PKD1L1: variants seen among roughly 807,000 people sequenced by gnomAD.
PKD1L1 encodes polycystin-1-like protein 1.
PKD1L1 carries 236 observed loss-of-function variants against 323.4 expected under a neutral mutation model. That is an observed-to-expected ratio of 0.73 (90% confidence interval 0.66 to 0.81). The LOEUF (loss-of-function observed/expected upper bound fraction) is 0.81. Among genes scored for constraint, PKD1L1 ranks in the 40% least tolerant of loss-of-function variants. PKD1L1 has a pLI of 0.00. For missense variants in PKD1L1, 3,320 were observed against 3,508.0 expected, an observed-to-expected ratio of 0.95 and a Z score of 1.35; for synonymous variants, 1,344 against 1,335.0, an observed-to-expected ratio of 1.01 and a Z score of -0.15.
intron 21 of PKD1L1, among the ~76,000 whole-genome samples, chr7:47,880,265 C>CATATAT (rs1223516389): frequency 7.7e-4 from 58 of 75,578 alleles, no homozygotes; most frequent in East Asian, 1.7e-3. Context: ...TATATATATA[C>CATATAT]ATATATATAT....
intron 3 of PKD1L1, 95 bp from the exon 4 acceptor site, chr7:47,937,053 T>G: frequency 2.4e-5 from 23 of 945,266 alleles, no homozygotes; most frequent in Non-Finnish European, 3.3e-5. Flanking sequence ...AAAATAGCAG[T>G]GGACCCCTGC....
At chr7:47,819,956 A>G (rs983556991) in intron 46 of PKD1L1, 1 of 219,058 alleles carries the variant, frequency 4.6e-6, no homozygotes, top group African/African-American at 2.4e-5. Flanking sequence ...GTTGCTGCAT[A>G]AATGTGTCTT....
intron 56 of PKD1L1, among the ~76,000 whole-genome samples, chr7:47,778,450 C>T (rs143648066): frequency 3.9e-5 from 6 of 152,272 alleles, no homozygotes; most frequent in East Asian, 1.9e-4. Flanking sequence ...AATAAAGAAA[C>T]GCCAGTGAGT....
intron 36 of PKD1L1, among the ~76,000 whole-genome samples, chr7:47,837,404 A>T (rs764959943): frequency 6.6e-6 from 1 of 152,146 alleles, no homozygotes; most frequent in Non-Finnish European, 1.5e-5. Flanking sequence ...CCCTTGCTAC[A>T]GCCACACTGC....
chr7:47,913,850 T>C (rs574579830), intron 8 of PKD1L1, among the ~76,000 whole-genome samples: 2 of 152,214 alleles, frequency 1.3e-5, no homozygotes, highest in Non-Finnish European at 2.9e-5. Flanking sequence ...AAACATTTCA[T>C]GTTCTGACAA....
chr7:47,898,532 T>C (rs888087484), intron 13 of PKD1L1, among the ~76,000 whole-genome samples: 3 of 152,106 alleles, frequency 2.0e-5, no homozygotes, highest in Non-Finnish European at 4.4e-5. Context: ...ACGTCAAAAA[T>C]ATAAATGTTA....
At chr7:47,937,832 G>A (rs1787901177) in intron 3 of PKD1L1, among the ~76,000 whole-genome samples, 1 of 152,126 alleles carries the variant, frequency 6.6e-6, no homozygotes, top group Non-Finnish European at 1.5e-5. Flanking sequence ...GGCAGGTGAG[G>A]GGTGCTGGGA....
intron 42 of PKD1L1, 53 bp downstream of exon 42, chr7:47,831,164 G>A: frequency 6.4e-7 from 1 of 1,569,006 alleles, no homozygotes; most frequent in Admixed American, 1.9e-5. Flanking sequence ...GTTTACAAAT[G>A]CGAGACTTTC....
intron 19 of PKD1L1, among the ~76,000 whole-genome samples, chr7:47,883,418 T>C (rs1786608501): frequency 6.6e-6 from 1 of 152,164 alleles, no homozygotes; most frequent in African/African-American, 2.4e-5. Context: ...GATTCTAAAC[T>C]ATTCATCCAG....
chr7:47,818,119 C>T (rs2128731513), intron 46 of PKD1L1: 3 of 1,367,734 alleles, frequency 2.2e-6, no homozygotes, highest in Non-Finnish European at 2.9e-6. Context: ...TGCCAGAGCA[C>T]CCAGAGGGTG....
chr7:47,915,636 G>T, intron 7 of PKD1L1, 37 bp from the exon 8 acceptor site: 3 of 1,304,044 alleles, frequency 2.3e-6, no homozygotes, highest in Non-Finnish European at 3.2e-6. Flanking sequence ...AGATAAAAGT[G>T]GAAATTAATA....
At chr7:47,849,659 G>A (rs548476748) in intron 31 of PKD1L1, among the ~76,000 whole-genome samples, 1 of 151,786 alleles carries the variant, frequency 6.6e-6, no homozygotes, top group South Asian at 2.1e-4. Flanking sequence ...TGCAAAAATG[G>A]CCATAATTTT....
intron 55 of PKD1L1, among the ~76,000 whole-genome samples, chr7:47,793,059 T>C (rs1786988315): frequency 1.3e-5 from 2 of 151,634 alleles, no homozygotes; most frequent in African/African-American, 4.8e-5. Flanking sequence ...AAAAAAACTA[T>C]TGAATGGATT....
chr7:47,830,017 C>G (rs1338531538), intron 43 of PKD1L1, 23 bp downstream of exon 43: 1 of 1,610,502 alleles, frequency 6.2e-7, no homozygotes, highest in Non-Finnish European at 8.5e-7. Flanking sequence ...GAAGGCACTT[C>G]TACCATGGAG....
At chr7:47,883,094 T>C (rs185620672) in intron 19 of PKD1L1, among the ~76,000 whole-genome samples, 1 of 152,356 alleles carries the variant, frequency 6.6e-6, no homozygotes, top group African/African-American at 2.4e-5. Flanking sequence ...TTCAGTTGTA[T>C]TGATTAAGCA....
chr7:47,801,931 C>A (rs528024023), intron 53 of PKD1L1, among the ~76,000 whole-genome samples: 1 of 152,066 alleles, frequency 6.6e-6, no homozygotes. Context: ...GTGGCTCATG[C>A]CTGTAATCCC....
intron 13 of PKD1L1, among the ~76,000 whole-genome samples, chr7:47,900,655 G>T (rs537542471): frequency 1.2e-4 from 19 of 152,242 alleles, no homozygotes; most frequent in Non-Finnish European, 2.4e-4. Context: ...TTGAACCCAG[G>T]GGGTGGAGAC....
intron 50 of PKD1L1, among the ~76,000 whole-genome samples, chr7:47,811,147 T>C (rs1469534684): frequency 1.5e-5 from 2 of 135,132 alleles, no homozygotes; most frequent in East Asian, 4.6e-4. Flanking sequence ...GAAGTAAATG[T>C]CTCCTTCTTT....
Position 47,811,942 on chromosome 7 carries a change from A to G in PKD1L1, c.7456T>C (p.Phe2486Leu). The change falls in exon 50 of 57, where the codon TTC becomes CTC. Residue 2486 changes from phenylalanine (F) to leucine (L), a missense_variant. Coordinates refer to ENST00000289672, the MANE Select transcript of PKD1L1 (RefSeq NM_138295.5). ...TCCACTCTCAGGGACACGCTGGTGA[A>G]GAGTTGGGTTGGAGGGTTATAGAGA... is the stretch of plus-strand genomic sequence containing the variant. The part of the protein sequence containing the change: ...FTLYNPPTQL[F>L]TSVSLRVEIL... 1 of 1,605,842 alleles carries G rather than the reference A, an allele frequency of 6.2e-7. No homozygotes were observed. The highest frequency in any genetic ancestry group is 8.5e-7 in the Non-Finnish European group (1 of 1,176,312).
Sources: gnomAD v4.1 joint callset for allele counts (sites outside exome capture counted in the v4.1 genomes callset) on GRCh38, gnomAD v4.1.1 for gene constraint, MANE v1.5 for transcripts, NCBI Gene and HGNC (gene_info 2026-07-23, HGNC 2026-07-21) for gene names.